The following FGF6 variants were observed in gnomAD, a reference collection of about 807,000 sequenced individuals.
The protein encoded by FGF6 is FGF-6.
Under a neutral mutation model 18.4 loss-of-function variants are expected in FGF6, and 14 were observed. That is an observed-to-expected ratio of 0.76 (90% CI 0.50 to 1.19). The LOEUF (loss-of-function observed/expected upper bound fraction) is 1.19, where lower values mean the gene tolerates loss of function less well. Among genes scored for constraint, FGF6 ranks in the 50% most tolerant of loss-of-function variants. The pLI is 0.00. For synonymous variants in FGF6, 125 were observed against 116.7 expected (o/e 1.07, Z -0.46); for missense variants, 266 against 271.6 (o/e 0.98, Z 0.15).
chr12:4,435,178 A>G (rs1478048401), intron 2 of FGF6, among the ~76,000 whole-genome samples: 1 of 152,146 alleles, frequency 6.6e-6, no homozygotes, highest in Non-Finnish European at 1.5e-5. Flanking sequence ...CATACCAGTC[A>G]GCGGCCCATA....
rs1297305496 is a variant in FGF6 at position 4,434,307 on chromosome 12, T to TC, written c.534dup (p.Thr179AspfsTer48). On this transcript the variant is annotated frameshift_variant, in exon 3 of 3. Transcript: ENST00000228837. LOFTEE classifies it high-confidence loss of function. ...CCGTATTTGCTCAGGGCAATGTAGG[T>TC]CCCTTGGTACAAGTCTGACTCGTAG... 6.2e-7 allele frequency: 1 copy of TC among 1,613,998 alleles called. No individual in the cohort carries two copies. Among genetic ancestry groups the TC allele is most frequent in the Non-Finnish European group, 8.5e-7 (1 of 1,180,018 alleles).
chr12:4,441,766 G>A (rs376967803), intron 2 of FGF6, among the ~76,000 whole-genome samples: 8 of 152,256 alleles, frequency 5.3e-5, no homozygotes, highest in Admixed American at 1.3e-4. Flanking sequence ...AGCTCCGGGG[G>A]CTTAAAAGGA....
chr12:4,435,859 C>T (rs1276956557), intron 2 of FGF6, among the ~76,000 whole-genome samples: 1 of 152,074 alleles, frequency 6.6e-6, no homozygotes, highest in Non-Finnish European at 1.5e-5. Context: ...GGTGGCTGCC[C>T]TAAGGGAGTA....
At chr12:4,442,078 T>G (rs1865698695) in intron 2 of FGF6, among the ~76,000 whole-genome samples, 1 of 148,646 alleles carries the variant, frequency 6.7e-6, no homozygotes. Flanking sequence ...GTAGGAGGGG[T>G]GGGAGGGTGG....
At chr12:4,443,899 G>A (rs530355318) in intron 2 of FGF6, among the ~76,000 whole-genome samples, 4 of 152,286 alleles carry the variant, frequency 2.6e-5, no homozygotes, top group South Asian at 2.1e-4. Flanking sequence ...TTAAGCACAC[G>A]GGCTCCGGCC....
intron 2 of FGF6, among the ~76,000 whole-genome samples, chr12:4,440,583 T>C (rs1369827836): frequency 6.6e-6 from 1 of 152,246 alleles, no homozygotes; most frequent in Non-Finnish European, 1.5e-5. Context: ...GCTCTGAAGA[T>C]GCCTGCATTT....
At chr12:4,438,951 T>A (rs1008262612) in intron 2 of FGF6, among the ~76,000 whole-genome samples, 1 of 152,076 alleles carries the variant, frequency 6.6e-6, no homozygotes, top group Admixed American at 6.6e-5. Flanking sequence ...TGTGATTTTT[T>A]AAAAAAGATG....
At chr12:4,443,198 CT>C (rs1453826051) in intron 2 of FGF6, among the ~76,000 whole-genome samples, 1 of 152,198 alleles carries the variant, frequency 6.6e-6, no homozygotes, top group Non-Finnish European at 1.5e-5. Flanking sequence ...GACAGCTCCC[CT>C]GGGACCCAGT....
At chr12:4,436,480 G>C (rs1284934940) in intron 2 of FGF6, among the ~76,000 whole-genome samples, 2 of 149,650 alleles carry the variant, frequency 1.3e-5, no homozygotes, top group East Asian at 3.9e-4. Flanking sequence ...AAAAAAAAAG[G>C]CAGGTATGAT....
chr12:4,440,299 G>A (rs1221327364), intron 2 of FGF6, among the ~76,000 whole-genome samples: 1 of 152,190 alleles, frequency 6.6e-6, no homozygotes, highest in Non-Finnish European at 1.5e-5. Context: ...GGGTAGAGGT[G>A]CCTCCAAAGT....
rs1040263555 is a variant in FGF6, at chr12:4,445,381, C to T, written c.190G>A (p.Gly64Arg). The T allele has an allele frequency of 6.2e-7, 1 of 1,613,834 alleles. No individual in the cohort carries two copies. Among genetic ancestry groups the T allele is most frequent in the African/African-American group, 1.3e-5 (1 of 74,926 alleles). ...ACCCCGGCAATCTCTCCAGCTAGCC[C>T]GGCGCGAGACCTGGACAGCAGGGTG... ...WGTLLSRSRA[G>R]LAGEIAGVNW... is the part of the protein sequence containing the mutation. The change falls in exon 1 of 3, where the codon GGG (glycine) becomes AGG (arginine). Residue 64 changes from glycine to arginine, a missense_variant. Coordinates refer to ENST00000228837, the MANE Select transcript of FGF6 (RefSeq NM_020996.3). The surrounding 1 kb of genome is among the most constrained non-coding windows in gnomAD (Gnocchi z 5.5).
intron 2 of FGF6, among the ~76,000 whole-genome samples, chr12:4,443,299 A>G (rs1565471757): frequency 6.6e-6 from 1 of 152,122 alleles, no homozygotes; most frequent in Non-Finnish European, 1.5e-5. Context: ...CCCCATAAAT[A>G]ACTTTGATAT....
chr12:4,444,183 T>G lies in FGF6; in HGVS notation c.400A>C (p.Arg134=). The G allele has an allele frequency of 6.2e-7, 1 of 1,614,024 alleles. No individual in the cohort carries two copies. Among genetic ancestry groups the G allele is most frequent in the Non-Finnish European group, 8.5e-7 (1 of 1,179,918 alleles). The change falls in exon 2 of 3, where the codon AGA becomes CGA. Residue 134 remains arginine, a synonymous_variant. Transcript: ENST00000228837. ...ERGVVSLFGV[R]SALFVAMNSK... ...TTCATGGCAACGAAGAGGGCACTTCTCACTCCAAAGAGACTCACCACGCCT... is the reference window on the plus strand; with the variant it reads ...TTCATGGCAACGAAGAGGGCACTTCGCACTCCAAAGAGACTCACCACGCCT...
intron 2 of FGF6, among the ~76,000 whole-genome samples, chr12:4,442,140 T>C (rs1865699328): frequency 6.6e-6 from 1 of 152,044 alleles, no homozygotes; most frequent in East Asian, 1.9e-4. Context: ...TCCTGGACTC[T>C]GCTTGTTTAG....
At chr12:4,437,757 A>T (rs1565470186) in intron 2 of FGF6, among the ~76,000 whole-genome samples, 1 of 152,220 alleles carries the variant, frequency 6.6e-6, no homozygotes, top group African/African-American at 2.4e-5. Context: ...ATGGTATTTT[A>T]TTATAATGAT....
chr12:4,443,910 G>A (rs1014638956), intron 2 of FGF6, among the ~76,000 whole-genome samples: 6 of 152,176 alleles, frequency 3.9e-5, no homozygotes, highest in East Asian at 1.9e-4. Flanking sequence ...GGCTCCGGCC[G>A]GCAGGTGGGA....
chr12:4,445,490 G>A lies in FGF6; in HGVS notation c.81C>T (p.Phe27=). ...RLQGTLWALV[F]LGILVGMVVP... ...CCACCATGCCCACTAGGATGCCTAG[G>A]AAGACGAGAGCCCACAGCGTGCCCT... is the stretch of plus-strand genomic sequence containing the variant. Residue 27 remains phenylalanine, a synonymous_variant, in exon 1 of 3, where the codon TTC becomes TTT. Coordinates refer to ENST00000228837, the MANE Select transcript of FGF6 (RefSeq NM_020996.3). The surrounding 1 kb of genome is among the most constrained non-coding windows in gnomAD (Gnocchi z 5.5). 6 of 1,613,158 alleles carry A rather than the reference G, an allele frequency of 3.7e-6. No homozygotes were observed. Among genetic ancestry groups the A allele is most frequent in the Non-Finnish European group, 3.4e-6 (4 of 1,179,988 alleles).
chr12:4,443,797 G>T (rs540666232), intron 2 of FGF6, among the ~76,000 whole-genome samples: 46 of 152,266 alleles, frequency 3.0e-4, no homozygotes, highest in East Asian at 7.7e-4. Flanking sequence ...TCGGGGCCTC[G>T]CCAGTGCAGG....
chr12:4,436,577 G>A (rs1369024823), intron 2 of FGF6, among the ~76,000 whole-genome samples: 1 of 152,016 alleles, frequency 6.6e-6, no homozygotes. Context: ...TGATTGCTCC[G>A]CCGCACTCCA....
Sources: gnomAD v4.1 joint callset for allele counts (sites outside exome capture counted in the v4.1 genomes callset) on GRCh38, gnomAD v4.1.1 for gene constraint, Gnocchi (gnomAD v3.1) non-coding constraint, MANE v1.5 for transcripts, NCBI Gene and HGNC (gene_info 2026-07-23, HGNC 2026-07-21) for gene names.